GRM7: variants seen among roughly 807,000 people sequenced by gnomAD.
GRM7 encodes metabotropic glutamate receptor 7.
A neutral mutation model predicts 84.5 loss-of-function variants in GRM7; 35 were observed. The ratio of observed to expected loss-of-function variants is 0.41; its 90% CI spans 0.32 to 0.55. GRM7 has a LOEUF of 0.55. GRM7 is among the 20% of genes least tolerant of loss of function. GRM7 has a pLI of 0.19. For synonymous variants in GRM7, 487 were observed against 455.1 expected, an observed-to-expected ratio of 1.07 and a Z score of -0.89; for missense variants, 1,003 against 1,194.6, an observed-to-expected ratio of 0.84 and a Z score of 2.36.
At chr3:7,459,771 G>A (rs546259505) in intron 6 of GRM7, among the ~76,000 whole-genome samples, 20 of 152,164 alleles carry the variant, frequency 1.3e-4, no homozygotes, top group East Asian at 3.9e-4. Context: ...CAGCCAAACC[G>A]TATCAGGGCA....
intron 7 of GRM7, among the ~76,000 whole-genome samples, chr3:7,477,960 C>G (rs779699): frequency 0.4 from 61,244 of 151,938 alleles, 14,153 homozygotes; most frequent in African/African-American, 0.65. Context: ...ATGATCCAAT[C>G]TTCCTGCTCT....
chr3:6,927,592 A>G (rs1368908469), intron 1 of GRM7, among the ~76,000 whole-genome samples: 5 of 152,204 alleles, frequency 3.3e-5, no homozygotes, highest in East Asian at 1.9e-4. Flanking sequence ...AGAAAAAAAT[A>G]TACTTTAGAG....
intron 4 of GRM7, among the ~76,000 whole-genome samples, chr3:7,382,353 T>C (rs1007435414): frequency 5.9e-5 from 9 of 152,200 alleles, no homozygotes; most frequent in African/African-American, 2.2e-4. Context: ...CCATGTCTCT[T>C]GTTACTTTTT....
In GRM7 at chr3:6,861,355, GCGC is replaced by G. The variant is rs759572072; in HGVS notation, c.-23_-21del. 1.6e-5 allele frequency: 24 copies of G among 1,475,876 alleles called. No individual in the cohort carries two copies. Among genetic ancestry groups the G allele is most frequent in the Admixed American group, 2.8e-5 (1 of 35,662 alleles). 91.4% of individuals were successfully genotyped at this position (1,475,876 alleles called of 1,614,324 possible). A position where few individuals can be genotyped will look rare whatever the true frequency, so the allele number is the denominator to read the frequency against. On this transcript the variant is annotated 5_prime_UTR_variant, in exon 1 of 10. Coordinates refer to ENST00000357716, the MANE Select transcript of GRM7 (RefSeq NM_000844.4). The surrounding 1 kb of genome is among the most constrained non-coding windows in gnomAD (Gnocchi z 6.4). Reference sequence around the variant, plus strand: ...GGCGAGCCCACCACCGTTCCCTCCAGCGCCGCCGCCGCCACCGCAGCAGCCGGA... The same window carrying G: ...GGCGAGCCCACCACCGTTCCCTCCAGCGCCGCCGCCACCGCAGCAGCCGGA...
intron 1 of GRM7, among the ~76,000 whole-genome samples, chr3:6,976,293 T>C (rs1001466164): frequency 2.0e-5 from 3 of 152,198 alleles, no homozygotes; most frequent in Non-Finnish European, 4.4e-5. Flanking sequence ...GTAGAGAAAA[T>C]GAAAACTTTC....
chr3:7,469,310 G>T (rs1195988214), intron 7 of GRM7, among the ~76,000 whole-genome samples: 4 of 152,182 alleles, frequency 2.6e-5, no homozygotes. Context: ...TGCTCTGTAA[G>T]CTTGTTCCAA....
At chr3:7,001,530 C>G (rs374701088) in intron 1 of GRM7, among the ~76,000 whole-genome samples, 69 of 152,170 alleles carry the variant, frequency 4.5e-4, no homozygotes, top group African/African-American at 1.4e-3. Flanking sequence ...TGTAAACTGG[C>G]AAATAAGCTT....
chr3:7,686,406 C>A, intron 9 of GRM7: 1 of 1,560,446 alleles, frequency 6.4e-7, no homozygotes, highest in Non-Finnish European at 8.8e-7. Context: ...TTACTTGGTA[C>A]ACTATCCCAC....
At chr3:7,064,463 C>CATAT (rs745409093) in intron 1 of GRM7, among the ~76,000 whole-genome samples, 5,966 of 87,250 alleles carry the variant, frequency 0.068, 598 homozygotes, top group Middle Eastern at 0.16. Context: ...GATATATATA[C>CATAT]ATATATATAT....
At chr3:7,086,537 C>T (rs1420681153) in intron 1 of GRM7, among the ~76,000 whole-genome samples, 3 of 152,122 alleles carry the variant, frequency 2.0e-5, no homozygotes, top group Admixed American at 1.3e-4. Context: ...CCAAAGATAT[C>T]TTTCACAAAC....
At chr3:7,000,199 T>C in intron 1 of GRM7, among the ~76,000 whole-genome samples, 1 of 149,168 alleles carries the variant, frequency 6.7e-6, no homozygotes, top group East Asian at 2.0e-4. Flanking sequence ...TTAGACAGAA[T>C]TCCGCTCTGT....
At chr3:6,877,599 T>A (rs1695356689) in intron 1 of GRM7, among the ~76,000 whole-genome samples, 1 of 152,190 alleles carries the variant, frequency 6.6e-6, no homozygotes, top group Non-Finnish European at 1.5e-5. Context: ...TATCACTGGC[T>A]AAACCAGTGG....
chr3:7,650,544 A>G (rs1698884939), intron 8 of GRM7, among the ~76,000 whole-genome samples: 1 of 152,228 alleles, frequency 6.6e-6, no homozygotes, highest in South Asian at 2.1e-4. Flanking sequence ...TTTACCTTGC[A>G]GAAGGAATTC....
At chr3:7,538,358 C>T (rs1047096750) in intron 7 of GRM7, among the ~76,000 whole-genome samples, 2 of 152,106 alleles carry the variant, frequency 1.3e-5, no homozygotes, top group Non-Finnish European at 2.9e-5. Flanking sequence ...GTGATCTGCA[C>T]GCCTCAGCCT....
At chr3:6,891,773 T>G (rs1052777693) in intron 1 of GRM7, among the ~76,000 whole-genome samples, 14 of 152,204 alleles carry the variant, frequency 9.2e-5, no homozygotes, top group Non-Finnish European at 1.8e-4. Context: ...AATCTGAATG[T>G]TGGCCTGCCT....
At chr3:7,549,515 G>A (rs555104185) in intron 7 of GRM7, among the ~76,000 whole-genome samples, 1 of 152,256 alleles carries the variant, frequency 6.6e-6, no homozygotes, top group South Asian at 2.1e-4. Flanking sequence ...AGGGAGAAGA[G>A]ATGAGTGCAA....
At chr3:7,212,367 C>T (rs746887138) in intron 2 of GRM7, among the ~76,000 whole-genome samples, 1 of 151,838 alleles carries the variant, frequency 6.6e-6, no homozygotes, top group Admixed American at 6.6e-5. Flanking sequence ...ATTCAATATC[C>T]ATTCATTCAT....
intron 7 of GRM7, among the ~76,000 whole-genome samples, chr3:7,528,458 T>C (rs1700894166): frequency 6.6e-6 from 1 of 152,016 alleles, no homozygotes; most frequent in Admixed American, 6.6e-5. Context: ...GCTTACACTT[T>C]CAAAGAACCA....
At chr3:7,538,876 T>C (rs1692709937) in intron 7 of GRM7, among the ~76,000 whole-genome samples, 2 of 152,184 alleles carry the variant, frequency 1.3e-5, no homozygotes, top group Admixed American at 1.3e-4. Context: ...AAGCAGGTTA[T>C]CAGAATAGGG....
Sources: gnomAD v4.1 joint callset for allele counts (sites outside exome capture counted in the v4.1 genomes callset) on GRCh38, gnomAD v4.1.1 for gene constraint, Gnocchi (gnomAD v3.1) non-coding constraint, MANE v1.5 for transcripts, NCBI Gene and HGNC (gene_info 2026-07-23, HGNC 2026-07-21) for gene names.